TBRG1: variants seen among roughly 807,000 people sequenced by gnomAD.
The protein encoded by TBRG1 is transforming growth factor beta regulator 1, also known as nuclear interactor of ARF and MDM2.
TBRG1 carries 31 observed loss-of-function variants against 44.0 expected under a neutral mutation model. That is an observed-to-expected ratio of 0.70 (90% CI 0.53 to 0.95). The LOEUF is 0.95. Ranked by LOEUF, TBRG1 falls within the 40% of genes least tolerant of loss-of-function variation. The pLI is 0.00. For missense variants in TBRG1, 487 were observed against 496.1 expected, an observed-to-expected ratio of 0.98 and a Z score of 0.18; for synonymous variants, 171 against 188.1, an observed-to-expected ratio of 0.91 and a Z score of 0.74.
chr11:124,633,249 C>G lies in TBRG1; in HGVS notation c.*1011C>G, dbSNP rs1228058485. ...CCCATACTCTATAACAGACTTAGTCCTGTCTTTTCATTAGCCATGTAATAA... is the reference window on the plus strand; with the variant it reads ...CCCATACTCTATAACAGACTTAGTCGTGTCTTTTCATTAGCCATGTAATAA... On this transcript the variant is annotated 3_prime_UTR_variant, in exon 9 of 9. Coordinates refer to ENST00000441174, the MANE Select transcript of TBRG1 (RefSeq NM_032811.3). 1 of 152,186 alleles carries G rather than the reference C, an allele frequency of 6.6e-6. No homozygotes were observed. Among genetic ancestry groups the G allele is most frequent in the African/African-American group, 2.4e-5 (1 of 41,434 alleles). 9.4% of individuals were successfully genotyped at this position (152,186 alleles called of 1,614,324 possible). A position where few individuals can be genotyped will look rare whatever the true frequency, so the allele number is the denominator to read the frequency against.
At chr11:124,630,560 A>G in intron 6 of TBRG1, 75 bp downstream of exon 6, 2 of 1,177,708 alleles carry the variant, frequency 1.7e-6, no homozygotes, top group Admixed American at 3.4e-5. Flanking sequence ...CTTGCTTTTA[A>G]TGGGTGGAGA....
At chr11:124,631,590 C>G (rs1805673180) in intron 8 of TBRG1, 173 bp downstream of exon 8, 1 of 689,344 alleles carries the variant, frequency 1.5e-6, no homozygotes, top group Non-Finnish European at 2.5e-6. Context: ...GCATAGCTTC[C>G]TAGATTACTC....
In TBRG1 at chr11:124,628,493, G is replaced by A. The variant is rs541428564; in HGVS notation, c.738+1443G>A. 3.4e-5 allele frequency among the ~76,000 whole-genome samples: 5 copies of A among 145,964 alleles called. No homozygotes were observed. The East Asian group carries it at 6.2e-4, about 18-fold the overall frequency. On this transcript the variant is annotated intron_variant, in intron 5 of 8. Coordinates refer to ENST00000441174, the MANE Select transcript of TBRG1 (RefSeq NM_032811.3). Reference sequence around the variant, plus strand: ...TGACAAAGGATTAATACCAGATAAAGTGCTCCTGTAGAGTAGGAAAAAGCA... The same window carrying A: ...TGACAAAGGATTAATACCAGATAAAATGCTCCTGTAGAGTAGGAAAAAGCA...
rs148418427 is a variant in TBRG1, at chr11:124,635,024, T to C, written c.*2786T>C. 6.6e-6 allele frequency: 1 copy of C among 152,328 alleles called. No homozygotes were observed. Among genetic ancestry groups the C allele is most frequent in the East Asian group, 1.9e-4 (1 of 5,186 alleles). The allele number at this position is 152,328 out of a possible 1,614,324, so 9.4% of individuals were successfully genotyped here. ...ATTACTCAGCCACTAAAAATGAATGTGCATGGCGTCATTAACATAATCATT... is the reference window on the plus strand; with the variant it reads ...ATTACTCAGCCACTAAAAATGAATGCGCATGGCGTCATTAACATAATCATT... On this transcript the variant is annotated 3_prime_UTR_variant, in exon 9 of 9. Transcript: ENST00000441174.
chr11:124,624,380 A>AG (rs1289116202), intron 1 of TBRG1, among the ~76,000 whole-genome samples: 13 of 122,020 alleles, frequency 1.1e-4, no homozygotes, highest in African/African-American at 7.5e-4. Context: ...AAAAAAAAAA[A>AG]AAAGAAAAAA....
rs570580224 is a variant in TBRG1, at chr11:124,631,565, G to A, written c.1090+148G>A. 3.7e-4 allele frequency: 308 copies of A among 832,826 alleles called. 3 individuals carry two copies. In the Middle Eastern group the frequency reaches 3.8e-3, roughly 10 times the overall value. 51.6% of individuals were successfully genotyped at this position (832,826 alleles called of 1,614,324 possible). On this transcript the variant is annotated intron_variant, in intron 8 of 8. Coordinates refer to ENST00000441174, the MANE Select transcript of TBRG1 (RefSeq NM_032811.3). ...AGCCTTGCGGAGTGCTGAGTTAGAGGGGGACCTGCGGCCTGCATAGCTTCC... is the reference window on the plus strand; with the variant it reads ...AGCCTTGCGGAGTGCTGAGTTAGAGAGGGACCTGCGGCCTGCATAGCTTCC...
In TBRG1 at chr11:124,626,388, G is replaced by A. The variant is rs1555092094; in HGVS notation, c.455-85G>A. The stretch of plus-strand genomic sequence containing the variant: ...TATATAAAACCAGGATTGGCTTATT[G>A]CCCTCACCATTCACGTGCAAATTTA... On this transcript the variant is annotated intron_variant, in intron 3 of 8. Coordinates refer to ENST00000441174, the MANE Select transcript of TBRG1 (RefSeq NM_032811.3). 3.2e-6 allele frequency: 4 copies of A among 1,236,374 alleles called. No individual in the cohort carries two copies. In the South Asian group the frequency reaches 6.2e-5, roughly 19 times the overall value. 76.6% of individuals were successfully genotyped at this position (1,236,374 alleles called of 1,614,324 possible). A position where few individuals can be genotyped will look rare whatever the true frequency, so the allele number is the denominator to read the frequency against.
chr11:124,625,885 G>T lies in TBRG1; in HGVS notation c.436G>T (p.Glu146Ter). Reference protein sequence around the residue: ...TKKEKKEKGKENNKLEVLKKT... With the variant: ...TKKEKKEKGK ...GAAGGAGAAAAAAGAAAAAGGCAAA[G>T]AGAACAACAAACTGGAAGGTACTTT... is the stretch of plus-strand genomic sequence containing the variant. The change falls in exon 3 of 9, where the codon GAG becomes TAG. Residue 146 changes from glutamate to a stop codon, truncating the protein, a stop_gained. Coordinates refer to ENST00000441174, the MANE Select transcript of TBRG1 (RefSeq NM_032811.3). LOFTEE classifies it high-confidence loss of function. The T allele has an allele frequency of 6.3e-7, 1 of 1,578,660 alleles. No homozygotes were observed. The highest frequency in any genetic ancestry group is 8.6e-7 in the Non-Finnish European group (1 of 1,165,100).
intron 8 of TBRG1, 67 bp downstream of exon 8, chr11:124,631,484 C>T: frequency 1.4e-6 from 2 of 1,470,576 alleles, no homozygotes; most frequent in South Asian, 2.3e-5. Context: ...CATCTTCACA[C>T]ATAGCCGAGT....
chr11:124,630,769 T>C lies in TBRG1; in HGVS notation c.861T>C (p.Leu287=). The C allele has an allele frequency of 6.2e-7, 1 of 1,607,634 alleles. No homozygotes were observed. Among genetic ancestry groups the C allele is most frequent in the Non-Finnish European group, 8.5e-7 (1 of 1,176,900 alleles). ...GGGGGAAACTAATGCCTAACCTGCT[T>C]CCAGCTGGAGCTGACTTTTTTGGAT... ...TTMGKLMPNL[L]PAGADFFGFS... Residue 287 remains leucine (L), a synonymous_variant, in exon 7 of 9, where the codon CTT becomes CTC. Coordinates refer to ENST00000441174, the MANE Select transcript of TBRG1 (RefSeq NM_032811.3).
chr11:124,628,104 T>TACAC (rs1348298507), intron 5 of TBRG1, among the ~76,000 whole-genome samples: 1 of 52,094 alleles, frequency 1.9e-5, no homozygotes, highest in Admixed American at 1.7e-4. Context: ...TATATATATA[T>TACAC]ATATATATAT....
In TBRG1 at chr11:124,627,089, C is replaced by A. The variant is rs766570232; in HGVS notation, c.738+39C>A. 8.3e-6 allele frequency: 11 copies of A among 1,324,894 alleles called. No homozygotes were observed. In the South Asian group the frequency reaches 1.4e-4, roughly 17 times the overall value. The allele number at this position is 1,324,894 out of a possible 1,614,324, so 82.1% of individuals were successfully genotyped here. On this transcript the variant is annotated intron_variant, in intron 5 of 8. Coordinates refer to ENST00000441174, the MANE Select transcript of TBRG1 (RefSeq NM_032811.3). ...TAATAACCACTGTTTGTCTTTAGAACCTTCTCTGTGCTAGGATATGTATTA... is the reference window on the plus strand; with the variant it reads ...TAATAACCACTGTTTGTCTTTAGAAACTTCTCTGTGCTAGGATATGTATTA...
At chr11:124,624,904 TTATTA>T (rs1942426695) in intron 1 of TBRG1, 22 bp from the exon 2 acceptor site, 6 of 1,406,266 alleles carry the variant, frequency 4.3e-6, no homozygotes, top group South Asian at 3.9e-5. Flanking sequence ...TCATTTTATG[TTATTA>T]TATTCACATT....
intron 8 of TBRG1, chr11:124,631,618 C>A: frequency 1.6e-6 from 1 of 613,804 alleles, no homozygotes; most frequent in South Asian, 1.9e-5. Flanking sequence ...TCATGGGGAG[C>A]ACCTGCGATC....
intron 1 of TBRG1, among the ~76,000 whole-genome samples, chr11:124,624,259 T>C (rs1394105182): frequency 6.6e-6 from 1 of 151,622 alleles, no homozygotes; most frequent in Non-Finnish European, 1.5e-5. Context: ...GAAAAAGCGA[T>C]GTTGTTTTGA....
At chr11:124,630,249 A>G (rs767255047) in intron 5 of TBRG1, 139 bp from the exon 6 acceptor site, 22 of 689,854 alleles carry the variant, frequency 3.2e-5, no homozygotes, top group South Asian at 6.2e-5. Flanking sequence ...TAGCAGCCCT[A>G]TAGGAAAGTA....
Position 124,627,347 on chromosome 11 carries a change from C to T in TBRG1, c.738+297C>T, listed in dbSNP as rs184161853. Among the ~76,000 whole-genome samples, 16 of 152,264 alleles carry T rather than the reference C, an allele frequency of 1.1e-4. No individual in the cohort carries two copies. In the East Asian group the frequency reaches 2.5e-3, roughly 24 times the overall value. On this transcript the variant is annotated intron_variant, in intron 5 of 8. Coordinates refer to ENST00000441174, the MANE Select transcript of TBRG1 (RefSeq NM_032811.3). ...TGATCAAGCCTACTTATGTGAGGTA[C>T]AGGCCAAAATAGAGGGAAGATTAGT...
chr11:124,632,272 C>A lies in TBRG1; in HGVS notation c.*34C>A. 1.9e-6 allele frequency: 3 copies of A among 1,597,682 alleles called. No homozygotes were observed. Among genetic ancestry groups the A allele is most frequent in the South Asian group, 2.3e-5 (2 of 88,292 alleles). ...GGATCAGATGCCACATCGTTTTTGT[C>A]GTGATTAATTTAACTTAAACTAAAA... On this transcript the variant is annotated 3_prime_UTR_variant, in exon 9 of 9. Coordinates refer to ENST00000441174, the MANE Select transcript of TBRG1 (RefSeq NM_032811.3).
chr11:124,624,873 A>G (rs1942425117), intron 1 of TBRG1, 58 bp from the exon 2 acceptor site: 2 of 1,164,874 alleles, frequency 1.7e-6, no homozygotes, highest in Non-Finnish European at 2.4e-6. Context: ...TCTTCCCAGC[A>G]TAATAATGTG....
Sources: gnomAD v4.1 joint callset for allele counts (sites outside exome capture counted in the v4.1 genomes callset) on GRCh38, gnomAD v4.1.1 for gene constraint, MANE v1.5 for transcripts, NCBI Gene and HGNC (gene_info 2026-07-23, HGNC 2026-07-21) for gene names.